The following PTPRA variants were observed in gnomAD, a reference collection of about 807,000 sequenced individuals.
PTPRA encodes the protein receptor-type tyrosine-protein phosphatase alpha.
Under a neutral mutation model 104.8 loss-of-function variants are expected in PTPRA, and 25 were observed. The ratio of observed to expected loss-of-function variants is 0.24; its 90% confidence interval spans 0.17 to 0.33. The LOEUF (loss-of-function observed/expected upper bound fraction) is 0.33. Among genes scored for constraint, PTPRA ranks in the 10% least tolerant of loss-of-function variants. The pLI, the probability that PTPRA is intolerant of heterozygous loss-of-function variation, is 1.00. For synonymous variants in PTPRA, 323 were observed against 368.9 expected (o/e 0.88, Z 1.43); for missense variants, 765 against 1,015.3 (o/e 0.75, Z 3.35).
intron 3 of PTPRA, among the ~76,000 whole-genome samples, chr20:2,953,242 GT>G (rs950528922): frequency 4.0e-5 from 6 of 151,414 alleles, no homozygotes; most frequent in Admixed American, 1.3e-4. Flanking sequence ...TTATTTTGGG[GT>G]TTTTTATTTT....
At chr20:3,026,393 C>T (rs1315763853) in intron 17 of PTPRA, among the ~76,000 whole-genome samples, 2 of 152,140 alleles carry the variant, frequency 1.3e-5, no homozygotes, top group Admixed American at 1.3e-4. Context: ...GGGGGTGGAA[C>T]TGCAGAGTGG....
At chr20:2,865,736 A>G in the PTPRA span, among the ~76,000 whole-genome samples, 1 of 152,166 alleles carries the variant, frequency 6.6e-6, no homozygotes, top group African/African-American at 2.4e-5. The surrounding 1 kb of genome is among the most constrained non-coding windows in gnomAD (Gnocchi z 5.2). Flanking sequence ...TGCTTTCCCC[A>G]GGGAGGGCCA....
At chr20:3,036,045 G>A (rs973395815) in intron 22 of PTPRA, 104 bp downstream of exon 22, 2 of 1,556,812 alleles carry the variant, frequency 1.3e-6, no homozygotes, top group Non-Finnish European at 1.7e-6. Context: ...ACAAGAGCAA[G>A]ATATTGGTGA....
intron 20 of PTPRA, among the ~76,000 whole-genome samples, chr20:3,032,756 C>T (rs1286609710): frequency 6.7e-6 from 1 of 149,114 alleles, no homozygotes; most frequent in Non-Finnish European, 1.5e-5. Context: ...CAGAGTGAGA[C>T]TCCATCTCAA....
At chr20:2,931,739 TG>T (rs2060513679) in intron 2 of PTPRA, among the ~76,000 whole-genome samples, 1 of 151,966 alleles carries the variant, frequency 6.6e-6, no homozygotes, top group Non-Finnish European at 1.5e-5. Context: ...TGTGTGTGTG[TG>T]TGTGTGTAAG....
chr20:2,886,313 G>A (rs1600059508), intron 1 of PTPRA, among the ~76,000 whole-genome samples: 1 of 152,290 alleles, frequency 6.6e-6, no homozygotes, highest in Middle Eastern at 3.4e-3. Context: ...TATTTTGGAT[G>A]AAATGATGTT....
chr20:2,944,682 G>A (rs2061057964), intron 2 of PTPRA, among the ~76,000 whole-genome samples: 1 of 152,194 alleles, frequency 6.6e-6, no homozygotes, highest in Admixed American at 6.5e-5. Context: ...CACTGTAAAA[G>A]GCATGTGTAC....
intron 6 of PTPRA, among the ~76,000 whole-genome samples, chr20:2,975,777 C>A (rs565425278): frequency 1.3e-5 from 2 of 152,266 alleles, no homozygotes; most frequent in Admixed American, 6.5e-5. Context: ...GGGTACTTGT[C>A]TGCAGAAGTG....
At chr20:2,977,843 A>G (rs1311605564) in intron 6 of PTPRA, among the ~76,000 whole-genome samples, 1 of 152,020 alleles carries the variant, frequency 6.6e-6, no homozygotes, top group Non-Finnish European at 1.5e-5. Flanking sequence ...GGAAGGAAAT[A>G]TGTGAACATC....
At chr20:2,871,156 T>G (rs2089422824), upstream of PTPRA, among the ~76,000 whole-genome samples, 1 of 152,188 alleles carries the variant, frequency 6.6e-6, no homozygotes, top group East Asian at 1.9e-4. Context: ...CTGTCACCCC[T>G]GTGCACACCC....
At chr20:2,990,052 A>T (rs1228238939) in intron 9 of PTPRA, among the ~76,000 whole-genome samples, 2 of 152,122 alleles carry the variant, frequency 1.3e-5, no homozygotes, top group African/African-American at 4.8e-5. Context: ...TTCTGTAAGG[A>T]GAATAGCCCA....
chr20:2,868,386 ACTC>A, the PTPRA span, among the ~76,000 whole-genome samples: 1 of 134,528 alleles, frequency 7.4e-6, no homozygotes, highest in Non-Finnish European at 1.6e-5. Context: ...CTGGTTTTAA[ACTC>A]CTGAGCTCAA....
chr20:3,019,621 C>A (rs2148413844), intron 13 of PTPRA, among the ~76,000 whole-genome samples: 1 of 151,396 alleles, frequency 6.6e-6, no homozygotes, highest in East Asian at 2.0e-4. Flanking sequence ...CTCCTCACAT[C>A]CCAGACGATG....
At chr20:2,899,197 G>A (rs948210373) in intron 1 of PTPRA, among the ~76,000 whole-genome samples, 17 of 152,300 alleles carry the variant, frequency 1.1e-4, no homozygotes, top group African/African-American at 3.6e-4. Flanking sequence ...GTAGCCAGGC[G>A]TGGTGACACG....
intron 1 of PTPRA, among the ~76,000 whole-genome samples, chr20:2,919,846 A>G (rs1333388668): frequency 6.6e-6 from 1 of 152,242 alleles, no homozygotes; most frequent in Non-Finnish European, 1.5e-5. Flanking sequence ...TGCATAGCCC[A>G]CAAACTACAA....
chr20:2,939,172 T>C (rs757770797), intron 2 of PTPRA, among the ~76,000 whole-genome samples: 2 of 152,224 alleles, frequency 1.3e-5, no homozygotes, highest in African/African-American at 4.8e-5. Context: ...TCAGTTCTTA[T>C]GCCTTTTGCT....
intron 2 of PTPRA, among the ~76,000 whole-genome samples, chr20:2,942,781 A>G (rs2060966910): frequency 6.6e-6 from 1 of 151,310 alleles, no homozygotes; most frequent in Non-Finnish European, 1.5e-5. Flanking sequence ...GAATTAATGT[A>G]TACTTAATAT....
intron 1 of PTPRA, among the ~76,000 whole-genome samples, chr20:2,910,590 T>TG (rs1345816949): frequency 2.2e-5 from 1 of 46,220 alleles, no homozygotes; most frequent in Non-Finnish European, 3.3e-5. Flanking sequence ...TTTTTTTTTG[T>TG]TTTTTTTTTG....
the PTPRA span, among the ~76,000 whole-genome samples, chr20:2,867,462 CTCTA>C: frequency 7.9e-5 from 12 of 152,150 alleles, no homozygotes; most frequent in African/African-American, 2.4e-4. Context: ...CCTCTGCTCT[CTCTA>C]TCTAGCCTTC....
Sources: allele counts gnomAD v4.1 joint callset (sites outside exome capture counted in the v4.1 genomes callset), GRCh38; gene constraint gnomAD v4.1.1; non-coding constraint Gnocchi (gnomAD v3.1); transcripts MANE v1.5; gene names NCBI Gene and HGNC (gene_info 2026-07-23, HGNC 2026-07-21).